The following RAB27A variants were observed in gnomAD, a reference collection of about 807,000 sequenced individuals.
RAB27A encodes RAB27A, member RAS oncogene family.
RAB27A carries 17 observed loss-of-function variants against 20.8 expected under a neutral mutation model. The observed-to-expected ratio is 0.82, with a 90% CI of 0.56 to 1.23. RAB27A has a LOEUF of 1.23. RAB27A is among the 50% of genes most tolerant of loss of function. The pLI is 0.00. For synonymous variants in RAB27A, 85 were observed against 92.8 expected (o/e 0.92, Z 0.48); for missense variants, 277 against 266.7 (o/e 1.04, Z -0.27).
chr15:55,271,357 A>T (rs996588233), intron 1 of RAB27A, among the ~76,000 whole-genome samples: 2 of 152,224 alleles, frequency 1.3e-5, no homozygotes, highest in Non-Finnish European at 2.9e-5. Flanking sequence ...TCTTCTAGGA[A>T]CTTATTAGAT....
chr15:55,218,742 CTTT>C (rs565996048), intron 6 of RAB27A, among the ~76,000 whole-genome samples: 6 of 135,824 alleles, frequency 4.4e-5, no homozygotes, highest in Non-Finnish European at 1.6e-5. Context: ...AGTTCACATT[CTTT>C]TTTTTTTTTT....
intron 2 of RAB27A, among the ~76,000 whole-genome samples, chr15:55,267,643 T>C (rs1897548769): frequency 6.6e-6 from 1 of 152,232 alleles, no homozygotes. Flanking sequence ...ACGTATGCTA[T>C]AGCCTGAGCT....
chr15:55,209,882 G>GTATATACATATATACACATA lies in RAB27A; in HGVS notation c.468-4178_468-4177insTATGTGTATATATGTATATA, dbSNP rs1404704383. 1.2e-4 allele frequency among the ~76,000 whole-genome samples: 10 copies of GTATATACATATATACACATA among 86,146 alleles called. 4 individuals carry two copies. Among genetic ancestry groups the GTATATACATATATACACATA allele is most frequent in the African/African-American group, 7.5e-4 (10 of 13,328 alleles). 56.5% of individuals were successfully genotyped at this position (86,146 alleles called of 152,430 possible). On this transcript the variant is annotated intron_variant, in intron 6 of 6. Coordinates refer to ENST00000336787, the MANE Select transcript of RAB27A (RefSeq NM_183235.3). ...TATATACATATATACATATATGTGT[G>GTATATACATATATACACATA]TGTATACATATATACACATATGTGT...
At chr15:55,249,504 C>T (rs1415806147) in intron 2 of RAB27A, among the ~76,000 whole-genome samples, 1 of 152,182 alleles carries the variant, frequency 6.6e-6, no homozygotes, top group African/African-American at 2.4e-5. Flanking sequence ...TGGTCCTGAA[C>T]TCCTGGGCTC....
chr15:55,241,368 A>G (rs1023862563), intron 2 of RAB27A, among the ~76,000 whole-genome samples: 1 of 151,960 alleles, frequency 6.6e-6, no homozygotes, highest in African/African-American at 2.4e-5. Flanking sequence ...ATTTTTTCAA[A>G]GTGCTCTCCA....
chr15:55,318,210 A>T (rs1465867994), intron 1 of RAB27A, among the ~76,000 whole-genome samples: 2 of 147,808 alleles, frequency 1.4e-5, no homozygotes, highest in Non-Finnish European at 3.0e-5. Context: ...CCATTCTCCT[A>T]CCTCAGCCTC....
At chr15:55,220,395 A>C (rs1204492952) in intron 6 of RAB27A, among the ~76,000 whole-genome samples, 1 of 151,934 alleles carries the variant, frequency 6.6e-6, no homozygotes, top group Non-Finnish European at 1.5e-5. Context: ...TCAGCCTCCC[A>C]AGTAGCTGGA....
intron 6 of RAB27A, among the ~76,000 whole-genome samples, chr15:55,216,208 G>A (rs1270491976): frequency 6.6e-6 from 1 of 152,102 alleles, no homozygotes; most frequent in African/African-American, 2.4e-5. Context: ...TGGGTTAGGT[G>A]ATAAAAGCTT....
intron 6 of RAB27A, among the ~76,000 whole-genome samples, chr15:55,216,725 C>G (rs1369668316): frequency 6.6e-6 from 1 of 152,166 alleles, no homozygotes; most frequent in Non-Finnish European, 1.5e-5. Context: ...TACAATACTG[C>G]TCTAATTCTG....
At chr15:55,281,461 C>G (rs1273767882) in intron 1 of RAB27A, among the ~76,000 whole-genome samples, 1 of 152,208 alleles carries the variant, frequency 6.6e-6, no homozygotes, top group Non-Finnish European at 1.5e-5. Flanking sequence ...CCTGTAATCT[C>G]AGCACTTTGG....
At chr15:55,255,901 C>T (rs1595721569) in intron 2 of RAB27A, among the ~76,000 whole-genome samples, 1 of 152,174 alleles carries the variant, frequency 6.6e-6, no homozygotes, top group Admixed American at 6.5e-5. Flanking sequence ...GGCTTCAAGT[C>T]AAAAGACCTG....
intron 2 of RAB27A, among the ~76,000 whole-genome samples, chr15:55,239,788 A>G (rs1896408086): frequency 2.0e-5 from 3 of 152,188 alleles, no homozygotes; most frequent in African/African-American, 7.2e-5. Flanking sequence ...AATTCCAAAG[A>G]ATAAGAAAAT....
chr15:55,210,167 AT>A (rs1441769254), intron 6 of RAB27A, among the ~76,000 whole-genome samples: 1 of 147,756 alleles, frequency 6.8e-6, no homozygotes, highest in Non-Finnish European at 1.5e-5. Context: ...ATACACATAC[AT>A]ATATACGTAC....
rs371169154 is a variant in RAB27A at position 55,256,976 on chromosome 15, G to A, written c.-23+13189C>T. ...GATGAGAGCCTAGATGAGGGCAGCC[G>A]CATGGGAATGGGAAGAAGGGGATCC... On this transcript the variant is annotated intron_variant, in intron 2 of 6. Transcript: ENST00000336787. Among the ~76,000 whole-genome samples, 149 of 152,272 alleles carry A rather than the reference G, an allele frequency of 9.8e-4. 1 individual carries two copies. In the South Asian group the frequency reaches 0.023, roughly 24 times the overall value.
intron 2 of RAB27A, among the ~76,000 whole-genome samples, chr15:55,269,320 T>C (rs1312351746): frequency 6.6e-6 from 1 of 152,230 alleles, no homozygotes; most frequent in Non-Finnish European, 1.5e-5. Flanking sequence ...TTCTAAAATA[T>C]ATGGACATTT....
chr15:55,215,613 C>A (rs1262529811), intron 6 of RAB27A, among the ~76,000 whole-genome samples: 1 of 136,110 alleles, frequency 7.3e-6, no homozygotes, highest in Non-Finnish European at 1.5e-5. Flanking sequence ...GATCGCGCCA[C>A]TGCACTCCAG....
intron 1 of RAB27A, among the ~76,000 whole-genome samples, 192 bp downstream of exon 1, chr15:55,289,524 G>C (rs1465515570): frequency 6.6e-6 from 1 of 152,184 alleles, no homozygotes; most frequent in African/African-American, 2.4e-5. Context: ...CCAGGCAGTT[G>C]TCATCACTGG....
chr15:55,207,665 TTTTTTGTTTTTG>T (rs1054239133), intron 6 of RAB27A, among the ~76,000 whole-genome samples: 1 of 152,116 alleles, frequency 6.6e-6, no homozygotes, highest in African/African-American at 2.4e-5. Flanking sequence ...AAAATGCGAC[TTTTTTGTTTTTG>T]TTTTTGTTTT....
intron 2 of RAB27A, among the ~76,000 whole-genome samples, chr15:55,265,213 C>A (rs368174228): frequency 6.6e-6 from 1 of 152,160 alleles, no homozygotes. Context: ...TGCACTCCAG[C>A]CTGGGCGACA....
Sources: allele counts gnomAD v4.1 joint callset (sites outside exome capture counted in the v4.1 genomes callset), GRCh38; gene constraint gnomAD v4.1.1; transcripts MANE v1.5; gene names NCBI Gene and HGNC (gene_info 2026-07-23, HGNC 2026-07-21).